DCDC2: variants seen among roughly 807,000 people sequenced by gnomAD.
The protein encoded by DCDC2 is doublecortin domain containing 2.
DCDC2 carries 40 observed loss-of-function variants against 50.2 expected under a neutral mutation model. The observed-to-expected ratio is 0.80, with a 90% CI of 0.62 to 1.04. The LOEUF (loss-of-function observed/expected upper bound fraction) is 1.04. Ranked by LOEUF, DCDC2 falls within the 50% of genes least tolerant of loss-of-function variation. The pLI is 0.00. For missense variants in DCDC2, 570 were observed against 581.9 expected, an observed-to-expected ratio of 0.98 and a Z score of 0.21; for synonymous variants, 234 against 210.6, an observed-to-expected ratio of 1.11 and a Z score of -0.96.
At chr6:24,271,432 A>G (rs2113813850) in intron 7 of DCDC2, among the ~76,000 whole-genome samples, 1 of 152,174 alleles carries the variant, frequency 6.6e-6, no homozygotes, top group Non-Finnish European at 1.5e-5. Context: ...GGAAGAAATA[A>G]AGATGTGACA....
rs1760850483 is a variant in DCDC2, at chr6:24,174,248, A to T, written c.*482T>A. ...GTTAACAAGTCATGGACACATTTTGATCTACTGCCATCTCCAAATTATGTC... is the reference window on the plus strand; with the variant it reads ...GTTAACAAGTCATGGACACATTTTGTTCTACTGCCATCTCCAAATTATGTC... On this transcript the variant is annotated 3_prime_UTR_variant, in exon 10 of 10. Transcript: ENST00000378454. The T allele has an allele frequency of 6.5e-6, 1 of 153,072 alleles. No individual in the cohort carries two copies. 9.5% of individuals were successfully genotyped at this position (153,072 alleles called of 1,614,324 possible). A position where few individuals can be genotyped will look rare whatever the true frequency, so the allele number is the denominator to read the frequency against.
chr6:24,343,680 C>T (rs1424603813), intron 2 of DCDC2, among the ~76,000 whole-genome samples: 3 of 152,208 alleles, frequency 2.0e-5, no homozygotes, highest in African/African-American at 7.2e-5. Context: ...TCCTAAATTT[C>T]ACCTTCTGTA....
intron 2 of DCDC2, among the ~76,000 whole-genome samples, chr6:24,323,077 G>A (rs1163008271): frequency 6.6e-6 from 1 of 152,216 alleles, no homozygotes; most frequent in Admixed American, 6.5e-5. Context: ...AGATATGGTA[G>A]CTCACACCTA....
chr6:24,182,923 G>C (rs1761110884), intron 8 of DCDC2, among the ~76,000 whole-genome samples: 1 of 152,224 alleles, frequency 6.6e-6, no homozygotes, highest in South Asian at 2.1e-4. Context: ...CAAAAGATGA[G>C]TGGATAATCA....
chr6:24,234,146 C>G (rs1762394646), intron 7 of DCDC2, among the ~76,000 whole-genome samples: 1 of 151,984 alleles, frequency 6.6e-6, no homozygotes, highest in Non-Finnish European at 1.5e-5. Context: ...AAGGTCACAC[C>G]TAAGCTGACT....
intron 4 of DCDC2, among the ~76,000 whole-genome samples, chr6:24,301,319 T>C (rs570759940): frequency 5.5e-5 from 7 of 127,248 alleles, no homozygotes; most frequent in South Asian, 2.3e-4. Flanking sequence ...TGCAGTGAGC[T>C]GAGATCGTGC....
At chr6:24,242,671 A>G (rs1762589541) in intron 7 of DCDC2, among the ~76,000 whole-genome samples, 1 of 152,164 alleles carries the variant, frequency 6.6e-6, no homozygotes, top group Non-Finnish European at 1.5e-5. Context: ...TGAAGACAGG[A>G]AGAAAGATGG....
chr6:24,380,465 T>G, the DCDC2 span, among the ~76,000 whole-genome samples: 1 of 152,176 alleles, frequency 6.6e-6, no homozygotes, highest in Admixed American at 6.5e-5. Flanking sequence ...AAGAAATGTC[T>G]AAACATCAAA....
chr6:24,291,688 T>A (rs1280173434), intron 4 of DCDC2, among the ~76,000 whole-genome samples: 1 of 151,788 alleles, frequency 6.6e-6, no homozygotes, highest in East Asian at 1.9e-4. Context: ...GGTTTCACCG[T>A]TTTAGCCGGG....
At chr6:24,369,031 G>C in the DCDC2 span, among the ~76,000 whole-genome samples, 2 of 151,330 alleles carry the variant, frequency 1.3e-5, no homozygotes, top group African/African-American at 4.9e-5. Context: ...CTACTCAGTA[G>C]GCTGAGGCAG....
At chr6:24,346,626 G>A (rs1333994604) in intron 2 of DCDC2, among the ~76,000 whole-genome samples, 3 of 152,144 alleles carry the variant, frequency 2.0e-5, no homozygotes, top group Non-Finnish European at 4.4e-5. Context: ...GTAGTGGCAG[G>A]TGTCTGTAGT....
chr6:24,308,505 C>T (rs537744055), intron 2 of DCDC2, among the ~76,000 whole-genome samples: 1 of 152,142 alleles, frequency 6.6e-6, no homozygotes, highest in South Asian at 2.1e-4. Flanking sequence ...AAGTTTTATA[C>T]AAAATTTCAT....
At chr6:24,227,344 G>C (rs765340870) in intron 7 of DCDC2, among the ~76,000 whole-genome samples, 3 of 152,174 alleles carry the variant, frequency 2.0e-5, no homozygotes, top group Non-Finnish European at 2.9e-5. Context: ...GCCCTTCTAT[G>C]TGGTCTGTAG....
intron 7 of DCDC2, among the ~76,000 whole-genome samples, chr6:24,264,379 T>A (rs145794944): frequency 6.6e-6 from 1 of 152,096 alleles, no homozygotes; most frequent in Non-Finnish European, 1.5e-5. Context: ...ATATCTTCAG[T>A]TGAAATATTA....
At chr6:24,349,567 A>G (rs1347738509) in intron 2 of DCDC2, among the ~76,000 whole-genome samples, 2 of 152,162 alleles carry the variant, frequency 1.3e-5, no homozygotes, top group Non-Finnish European at 2.9e-5. Flanking sequence ...TAAGGTAAAG[A>G]GGAAAGAAAG....
the DCDC2 span, among the ~76,000 whole-genome samples, chr6:24,383,074 C>T: frequency 1.3e-5 from 2 of 152,118 alleles, no homozygotes; most frequent in Non-Finnish European, 2.9e-5. Flanking sequence ...TGCTTGTAAT[C>T]CCAGCACTTT....
At chr6:24,314,958 T>C (rs967648706) in intron 2 of DCDC2, among the ~76,000 whole-genome samples, 3 of 152,126 alleles carry the variant, frequency 2.0e-5, no homozygotes, top group African/African-American at 4.8e-5. Context: ...TCAAAAGAAA[T>C]ATATTTTTCT....
At chr6:24,188,727 T>G (rs1312075874) in intron 8 of DCDC2, among the ~76,000 whole-genome samples, 1 of 152,146 alleles carries the variant, frequency 6.6e-6, no homozygotes, top group Non-Finnish European at 1.5e-5. Context: ...AATTGTGGAA[T>G]GCTATACTCT....
chr6:24,256,512 G>A (rs1477000914), intron 7 of DCDC2, among the ~76,000 whole-genome samples: 2 of 151,920 alleles, frequency 1.3e-5, no homozygotes, highest in African/African-American at 4.8e-5. Flanking sequence ...GTGTGTGTCC[G>A]TGTAAACAGC....
Sources: allele counts gnomAD v4.1 joint callset (sites outside exome capture counted in the v4.1 genomes callset), GRCh38; gene constraint gnomAD v4.1.1; transcripts MANE v1.5; gene names NCBI Gene and HGNC (gene_info 2026-07-23, HGNC 2026-07-21).